The following CCDC24 variants were observed in gnomAD, a reference collection of about 807,000 sequenced individuals.
The protein encoded by CCDC24 is coiled-coil domain-containing protein 24.
In CCDC24, 34 loss-of-function variants were observed where a neutral mutation model predicts 31.6. The observed-to-expected ratio is 1.08, with a 90% CI of 0.82 to 1.43. The LOEUF (loss-of-function observed/expected upper bound fraction) is 1.43, where lower values mean the gene tolerates loss of function less well. Ranked by LOEUF, CCDC24 falls within the 40% of genes most tolerant of loss-of-function variation. The pLI, the probability that CCDC24 is intolerant of heterozygous loss-of-function variation, is 0.00. For missense variants in CCDC24, 426 were observed against 391.1 expected (o/e 1.09, Z -0.75); for synonymous variants, 175 against 157.3 (o/e 1.11, Z -0.84).
At position 43,995,210 on chromosome 1, in the gene CCDC24, G is replaced by T. The variant is rs1166970422; in HGVS notation, c.552+48G>T. On this transcript the variant is annotated intron_variant, in intron 6 of 8. Transcript: ENST00000372318. This position sits in a 1 kb window ranked among gnomAD's most constrained non-coding sequence, Gnocchi z 4.3. ...CCCCCGAGCCTCACTGCTGAGCGTA[G>T]ACTCTCACCTGGGTGAGACCCATGT... 15 of 1,531,852 alleles carry T rather than the reference G, an allele frequency of 9.8e-6. 1 individual carries two copies. The highest frequency in any genetic ancestry group is 8.8e-6 in the Non-Finnish European group (10 of 1,134,432). The allele number at this position is 1,531,852 out of a possible 1,614,324, so 94.9% of individuals were successfully genotyped here. A position where few individuals can be genotyped will look rare whatever the true frequency, so the allele number is the denominator to read the frequency against.
rs778172205 is a variant in CCDC24 at position 43,995,881 on chromosome 1, G to T, written c.701+25G>T. 6 of 1,614,164 alleles carry T rather than the reference G, an allele frequency of 3.7e-6. No individual in the cohort carries two copies. Among genetic ancestry groups the T allele is most frequent in the Admixed American group, 1.7e-5 (1 of 60,028 alleles). ...GGTAAACCACAACAGTAGACACAGGGCAGGGTGGACTGAAGGATCAGACCA... is the reference window on the plus strand; with the variant it reads ...GGTAAACCACAACAGTAGACACAGGTCAGGGTGGACTGAAGGATCAGACCA... On this transcript the variant is annotated intron_variant, in intron 8 of 8. Transcript: ENST00000372318. This position sits in a 1 kb window ranked among gnomAD's most constrained non-coding sequence, Gnocchi z 4.3.
At position 43,995,230 on chromosome 1, in the gene CCDC24, C is replaced by G. The variant is rs576734097; in HGVS notation, c.552+68C>G. The G allele has an allele frequency of 1.5e-5, 22 of 1,425,390 alleles. No homozygotes were observed. The South Asian group carries it at 2.4e-4, about 16-fold the overall frequency. The allele number at this position is 1,425,390 out of a possible 1,614,324, so 88.3% of individuals were successfully genotyped here. A position where few individuals can be genotyped will look rare whatever the true frequency, so the allele number is the denominator to read the frequency against. On this transcript the variant is annotated intron_variant, in intron 6 of 8. Coordinates refer to ENST00000372318, the MANE Select transcript of CCDC24 (RefSeq NM_152499.4). The surrounding 1 kb of genome is among the most constrained non-coding windows in gnomAD (Gnocchi z 4.3). Reference sequence around the variant, plus strand: ...GCGTAGACTCTCACCTGGGTGAGACCCATGTACCTGTGTGCATACATAGGT... The same window carrying G: ...GCGTAGACTCTCACCTGGGTGAGACGCATGTACCTGTGTGCATACATAGGT...
intron 3 of CCDC24, 49 bp downstream of exon 3, chr1:43,992,436 C>T: frequency 6.2e-7 from 1 of 1,612,596 alleles, no homozygotes; most frequent in South Asian, 1.1e-5. Flanking sequence ...GGTGGGCTAG[C>T]GCTGCCCCTA....
intron 4 of CCDC24, among the ~76,000 whole-genome samples, chr1:43,993,566 G>A (rs978664824): frequency 2.6e-5 from 4 of 151,372 alleles, no homozygotes; most frequent in Non-Finnish European, 5.9e-5. Context: ...AAGAGCACTT[G>A]AGCCCGGGAT....
chr1:43,992,927 G>A (rs2085772643), intron 4 of CCDC24, among the ~76,000 whole-genome samples: 2 of 152,234 alleles, frequency 1.3e-5, no homozygotes, highest in African/African-American at 2.4e-5. Context: ...TAGGAAGAGG[G>A]AAGAAAGGAA....
chr1:43,993,855 C>T (rs774260178), intron 4 of CCDC24, 32 bp from the exon 5 acceptor site: 4 of 1,609,658 alleles, frequency 2.5e-6, no homozygotes, highest in Non-Finnish European at 2.6e-6. Context: ...GGGTGAGCAA[C>T]ATGCGGAGAG....
Position 43,995,376 on chromosome 1 carries a change from A to G in CCDC24, c.552+214A>G. The G allele has an allele frequency of 1.4e-6, 1 of 698,906 alleles. No individual in the cohort carries two copies. Among genetic ancestry groups the G allele is most frequent in the East Asian group, 2.7e-5 (1 of 36,562 alleles). The allele number at this position is 698,906 out of a possible 1,614,324, so 43.3% of individuals were successfully genotyped here. On this transcript the variant is annotated intron_variant, in intron 6 of 8. Coordinates refer to ENST00000372318, the MANE Select transcript of CCDC24 (RefSeq NM_152499.4). This position sits in a 1 kb window ranked among gnomAD's most constrained non-coding sequence, Gnocchi z 4.3. Reference sequence around the variant, plus strand: ...CCTTAAGGCCAGGGCCAACCGTTTTAGGTCTTTTGCCTCCTTCCTTTACCT... The same window carrying G: ...CCTTAAGGCCAGGGCCAACCGTTTTGGGTCTTTTGCCTCCTTCCTTTACCT...
chr1:43,992,649 T>TG lies in CCDC24; in HGVS notation c.419+12dup. ...GAGGTGGTGGGCCCAGGTAAGGTGATGGTAGGAGAGAGGGATCTGTCCCTG... is the reference window on the plus strand; with the variant it reads ...GAGGTGGTGGGCCCAGGTAAGGTGATGGGTAGGAGAGAGGGATCTGTCCCTG... On this transcript the variant is annotated intron_variant, in intron 4 of 8. Coordinates refer to ENST00000372318, the MANE Select transcript of CCDC24 (RefSeq NM_152499.4). 1 of 1,612,752 alleles carries TG rather than the reference T, an allele frequency of 6.2e-7. No individual in the cohort carries two copies. The highest frequency in any genetic ancestry group is 8.5e-7 in the Non-Finnish European group (1 of 1,178,828).
Position 43,992,649 on chromosome 1 carries a change from TGGTAGGAGAGA to T in CCDC24, c.419+13_419+23del. 6.2e-7 allele frequency: 1 copy of T among 1,612,752 alleles called. No individual in the cohort carries two copies. The highest frequency in any genetic ancestry group is 8.5e-7 in the Non-Finnish European group (1 of 1,178,828). ...GAGGTGGTGGGCCCAGGTAAGGTGA[TGGTAGGAGAGA>T]GGGATCTGTCCCTGCTTGGCAGAGG... On this transcript the variant is annotated intron_variant, in intron 4 of 8. Coordinates refer to ENST00000372318, the MANE Select transcript of CCDC24 (RefSeq NM_152499.4).
chr1:43,994,056 G>A, intron 5 of CCDC24, 92 bp downstream of exon 5: 1 of 1,181,012 alleles, frequency 8.5e-7, no homozygotes, highest in Non-Finnish European at 1.2e-6. Context: ...GAGGTGGGTA[G>A]TATACTTGGC....
rs1188026634 is a variant in CCDC24, at chr1:43,991,938, G to T, written c.60G>T (p.Glu20Asp). 6.5e-7 allele frequency: 1 copy of T among 1,542,216 alleles called. No homozygotes were observed. The highest frequency in any genetic ancestry group is 2.4e-5 in the East Asian group (1 of 40,866). Residue 20 changes from glutamate (E) to aspartate (D), a missense_variant, in exon 2 of 9, where the codon GAG (glutamate) becomes GAT (aspartate). Glu to Asp is a conservative substitution (Grantham distance 45, BLOSUM62 2). Coordinates refer to ENST00000372318, the MANE Select transcript of CCDC24 (RefSeq NM_152499.4). ...TGGAGGAGCACGTTCCGCTCCGGGA[G>T]CGACGCGAAGTGAAGAGGATTCTGG... The part of the protein sequence containing the change: ...ELVEEHVPLR[E>D]RREVKRILGE...
intron 4 of CCDC24, 119 bp downstream of exon 4, chr1:43,992,758 C>T (rs2085770106): frequency 4.7e-6 from 4 of 857,778 alleles, no homozygotes; most frequent in Non-Finnish European, 7.7e-6. Flanking sequence ...ACTTCCACCG[C>T]CACTTGTGAT....
intron 5 of CCDC24, 32 bp downstream of exon 5, chr1:43,993,996 G>T (rs1174568062): frequency 6.3e-7 from 1 of 1,587,964 alleles, no homozygotes; most frequent in East Asian, 2.2e-5. Flanking sequence ...ATGTGTATAG[G>T]CAGGGGTGGA....
rs1185632549 is a variant in CCDC24, at chr1:43,995,007, G to T, written c.498-101G>T. 8 of 1,079,572 alleles carry T rather than the reference G, an allele frequency of 7.4e-6. No individual in the cohort carries two copies. The Admixed American group carries it at 1.2e-4, about 16-fold the overall frequency. 66.9% of individuals were successfully genotyped at this position (1,079,572 alleles called of 1,614,324 possible). ...TGTGGGCTGAGGAAGGACAGGTTGGGTGGGGCTCCTGCTGAGGCTGGAGGT... is the reference window on the plus strand; with the variant it reads ...TGTGGGCTGAGGAAGGACAGGTTGGTTGGGGCTCCTGCTGAGGCTGGAGGT... On this transcript the variant is annotated intron_variant, in intron 5 of 8. Transcript: ENST00000372318. This position sits in a 1 kb window ranked among gnomAD's most constrained non-coding sequence, Gnocchi z 4.3.
intron 4 of CCDC24, 79 bp from the exon 5 acceptor site, chr1:43,993,808 A>G (rs780476572): frequency 7.5e-7 from 1 of 1,329,220 alleles, no homozygotes; most frequent in Non-Finnish European, 1.1e-6. Context: ...GAAAAGAAAC[A>G]GTTGCCTAGA....
At chr1:43,992,672 C>G (rs773809446) in intron 4 of CCDC24, 33 bp downstream of exon 4, 3 of 1,598,052 alleles carry the variant, frequency 1.9e-6, no homozygotes, top group South Asian at 1.1e-5. Context: ...GGATCTGTCC[C>G]TGCTTGGCAG....
At chr1:43,994,168 G>C (rs115519287) in intron 5 of CCDC24, 2 of 563,878 alleles carry the variant, frequency 3.5e-6, no homozygotes, top group Non-Finnish European at 6.4e-6. Context: ...TGCCACGGCC[G>C]AGCATGATGG....
rs1326044814 is a variant in CCDC24, at chr1:43,996,436, G to A, written c.*276G>A. The A allele has an allele frequency of 2.3e-6, 1 of 428,326 alleles. No individual in the cohort carries two copies. The allele number at this position is 428,326 out of a possible 1,614,324, so 26.5% of individuals were successfully genotyped here. On this transcript the variant is annotated 3_prime_UTR_variant, in exon 9 of 9. Transcript: ENST00000372318. Reference sequence around the variant, plus strand: ...CCTGGCAGACAGAGGTCTCATTCCAGCCTGACTCTTGTCCCCTGGGGGACC... The same window carrying A: ...CCTGGCAGACAGAGGTCTCATTCCAACCTGACTCTTGTCCCCTGGGGGACC...
chr1:43,995,221 G>A lies in CCDC24; in HGVS notation c.552+59G>A, dbSNP rs2154303760. On this transcript the variant is annotated intron_variant, in intron 6 of 8. Transcript: ENST00000372318. The surrounding 1 kb of genome is among the most constrained non-coding windows in gnomAD (Gnocchi z 4.3). ...CACTGCTGAGCGTAGACTCTCACCT[G>A]GGTGAGACCCATGTACCTGTGTGCA... 1.4e-5 allele frequency: 21 copies of A among 1,463,836 alleles called. No homozygotes were observed. Among genetic ancestry groups the A allele is most frequent in the Non-Finnish European group, 1.9e-5 (20 of 1,074,310 alleles). The allele number at this position is 1,463,836 out of a possible 1,614,324, so 90.7% of individuals were successfully genotyped here.
Sources: gnomAD v4.1 joint callset for allele counts (sites outside exome capture counted in the v4.1 genomes callset) on GRCh38, gnomAD v4.1.1 for gene constraint, Gnocchi (gnomAD v3.1) non-coding constraint, MANE v1.5 for transcripts, NCBI Gene and HGNC (gene_info 2026-07-23, HGNC 2026-07-21) for gene names.